HR: variants seen among roughly 807,000 people sequenced by gnomAD.
The protein encoded by HR is HR lysine demethylase and nuclear receptor corepressor.
HR carries 83 observed loss-of-function variants against 128.6 expected under a neutral mutation model. The observed-to-expected ratio is 0.65, with a 90% CI of 0.54 to 0.77. HR has a LOEUF of 0.77. HR is among the 30% of genes least tolerant of loss of function. HR has a pLI of 0.00. For missense variants in HR, 1,490 were observed against 1,574.6 expected, an observed-to-expected ratio of 0.95 and a Z score of 0.91; for synonymous variants, 681 against 658.2, an observed-to-expected ratio of 1.03 and a Z score of -0.53.
rs757333928 is a variant in HR, at chr8:22,127,499, G to A, written c.943C>T (p.Pro315Ser). The change falls in exon 3 of 19, where the codon CCC becomes TCC. Residue 315 changes from proline to serine, a missense_variant. Around this residue, in one of 3 missense-constraint regions of HR, gnomAD observed 1,060 missense variants for 1,060.9 expected, o/e 1.00. Transcript: ENST00000381418. ...QLGPPATPRCPSPEPPVTQRG... is the reference protein window; with the variant it reads ...QLGPPATPRCSSPEPPVTQRG... ...TGGGTGACAGGCGGCTCAGGAGAGGGGCACCTTGGTGTTGCTGGTGGCCCC... is the reference window on the plus strand; with the variant it reads ...TGGGTGACAGGCGGCTCAGGAGAGGAGCACCTTGGTGTTGCTGGTGGCCCC... The A allele has an allele frequency of 1.6e-5, 25 of 1,612,462 alleles. No individual in the cohort carries two copies. Among genetic ancestry groups the A allele is most frequent in the Middle Eastern group, 3.3e-4 (2 of 6,078 alleles).
intron 8 of HR, 52 bp downstream of exon 8, chr8:22,122,441 G>T (rs1279719625): frequency 3.7e-6 from 5 of 1,346,702 alleles, no homozygotes; most frequent in African/African-American, 1.4e-5. Context: ...CCCTGCAAAG[G>T]TCAGCCATTT....
At position 22,130,699 on chromosome 8, in the gene HR, G is replaced by T. The variant is rs1827029809; in HGVS notation, c.-312C>A. The T allele has an allele frequency of 6.6e-6, 1 of 152,370 alleles. No individual in the cohort carries two copies. Among genetic ancestry groups the T allele is most frequent in the South Asian group, 2.1e-4 (1 of 4,844 alleles). The allele number at this position is 152,370 out of a possible 1,614,324, so 9.4% of individuals were successfully genotyped here. A position where few individuals can be genotyped will look rare whatever the true frequency, so the allele number is the denominator to read the frequency against. ...ACCAGCTTCTGGGCCGAGGCCGTAGGTTGCGCCATGGGACGCCGAGACTCC... is the reference window on the plus strand; with the variant it reads ...ACCAGCTTCTGGGCCGAGGCCGTAGTTTGCGCCATGGGACGCCGAGACTCC... On this transcript the variant is annotated 5_prime_UTR_variant, in exon 1 of 19. Coordinates refer to ENST00000381418, the MANE Select transcript of HR (RefSeq NM_005144.5).
In HR at chr8:22,129,125, T is replaced by G. The variant is rs1340372152; in HGVS notation, c.46A>C (p.Lys16Gln). ...ACGATGCCGTTCTCTGGGGCCGTCT[T>G]CTCCCAGGTTGGGGTGCCCTTCAGG... ...SFLKGTPTWE[K>Q]TAPENGIVRQ... The change falls in exon 2 of 19, where the codon AAG becomes CAG. Residue 16 changes from lysine to glutamine, a missense_variant. Lys to Gln is a moderately conservative substitution (Grantham distance 53). Transcript: ENST00000381418. 2.6e-6 allele frequency: 4 copies of G among 1,559,862 alleles called. No individual in the cohort carries two copies. The East Asian group carries it at 9.0e-5, about 35-fold the overall frequency.
chr8:22,121,722 A>G (rs956460090), intron 8 of HR, 28 bp from the exon 9 acceptor site: 2 of 1,603,614 alleles, frequency 1.2e-6, no homozygotes, highest in East Asian at 2.2e-5. Flanking sequence ...CACCCCCCCA[A>G]TCCAACCAGA....
At position 22,127,641 on chromosome 8, in the gene HR, G is replaced by A. The variant is rs372297234; in HGVS notation, c.801C>T (p.Phe267=). 65 of 1,609,640 alleles carry A rather than the reference G, an allele frequency of 4.0e-5. No individual in the cohort carries two copies. Among genetic ancestry groups the A allele is most frequent in the Non-Finnish European group, 5.3e-5 (63 of 1,178,902 alleles). ...AGGGCACAGTGTCTGGCTGCCCCAG[G>A]AAGAGCGGGCAAGGATTCTGCTGCC... ...AGRQQNPCPL[F]LGQPDTVPWT... Residue 267 remains phenylalanine, a synonymous_variant, in exon 3 of 19, where the codon TTC becomes TTT. Coordinates refer to ENST00000381418, the MANE Select transcript of HR (RefSeq NM_005144.5).
chr8:22,123,548 A>C, intron 6 of HR, 101 bp downstream of exon 6: 1 of 1,158,020 alleles, frequency 8.6e-7, no homozygotes, highest in Non-Finnish European at 1.2e-6. Context: ...TGCAGTGGGT[A>C]GGGGGCTTTT....
rs748422659 is a variant in HR at position 22,116,731 on chromosome 8, C to T, written c.3378+144G>A. On this transcript the variant is annotated intron_variant, in intron 17 of 18. Coordinates refer to ENST00000381418, the MANE Select transcript of HR (RefSeq NM_005144.5). The surrounding 1 kb of genome is among the most constrained non-coding windows in gnomAD (Gnocchi z 4.2). The stretch of plus-strand genomic sequence containing the variant: ...TGACTTCAAGGCCTCTTGGCTCCCC[C>T]GTTATCTCTTCCCCACAGCAGCGTG... The T allele has an allele frequency of 9.9e-5, 122 of 1,229,814 alleles. No homozygotes were observed. The highest frequency in any genetic ancestry group is 1.2e-4 in the Non-Finnish European group (105 of 869,648). 76.2% of individuals were successfully genotyped at this position (1,229,814 alleles called of 1,614,324 possible). A position where few individuals can be genotyped will look rare whatever the true frequency, so the allele number is the denominator to read the frequency against.
At chr8:22,121,581 G>A (rs367802682) in intron 9 of HR, 32 bp downstream of exon 9, 6 of 1,610,188 alleles carry the variant, frequency 3.7e-6, no homozygotes, top group South Asian at 3.3e-5. Context: ...CCTCCCTCTT[G>A]CACAGGCCGA....
chr8:22,120,938 G>C lies in HR; in HGVS notation c.2388C>G (p.Ile796Met). ...CCACCTGTGCGATAATGCTGTCCAG[G>C]ATGTTGGTGATGCGGTCATCCTGCA... Reference protein sequence around the residue: ...ALPSDDRITNILDSIIAQVVE... With the variant: ...ALPSDDRITNMLDSIIAQVVE... Residue 796 changes from isoleucine (I) to methionine (M), a missense_variant, in exon 11 of 19, where the codon ATC becomes ATG. Ile to Met is a conservative substitution (Grantham distance 10, BLOSUM62 1). Around this residue, in one of 3 missense-constraint regions of HR, gnomAD observed 1,060 missense variants for 1,060.9 expected, o/e 1.00. Coordinates refer to ENST00000381418, the MANE Select transcript of HR (RefSeq NM_005144.5). 3 of 1,584,658 alleles carry C rather than the reference G, an allele frequency of 1.9e-6. No homozygotes were observed. Among genetic ancestry groups the C allele is most frequent in the Non-Finnish European group, 2.6e-6 (3 of 1,165,216 alleles).
chr8:22,117,024 C>G lies in HR; in HGVS notation c.3229G>C (p.Ala1077Pro), dbSNP rs956396914. The G allele has an allele frequency of 1.3e-6, 2 of 1,509,064 alleles. No individual in the cohort carries two copies. The highest frequency in any genetic ancestry group is 2.8e-5 in the African/African-American group (2 of 72,498). 93.5% of individuals were successfully genotyped at this position (1,509,064 alleles called of 1,614,324 possible). Residue 1077 changes from alanine (A) to proline (P), a missense_variant, in exon 17 of 19, where the codon GCA becomes CCA. Ala to Pro is a conservative substitution (Grantham distance 27). Transcript: ENST00000381418. ...RFLQMVCPAG[A>P]GALEPGAPGS... The stretch of plus-strand genomic sequence containing the variant: ...GGGGCGCCAGGCTCCAGGGCGCCTG[C>G]CCCGGCCGGGCACACCTCAAAGAAG...
chr8:22,127,324 G>A lies in HR; in HGVS notation c.1118C>T (p.Pro373Leu). ...NKASGPRACPPSHHTKLKKTW... is the reference protein window; with the variant it reads ...NKASGPRACPLSHHTKLKKTW... ...CTTCTTCAGCTTGGTGTGGTGGCTG[G>A]GGGGACAGGCCCTGGGGCCAGAGGC... The change falls in exon 3 of 19, where the codon CCC becomes CTC. Residue 373 changes from proline (P) to leucine (L), a missense_variant. Physicochemically the swap from Pro to Leu is moderately conservative, Grantham distance 98 (BLOSUM62 -3). This residue lies in a region of HR where 1,060 missense variants were observed against 1,060.9 expected (regional missense o/e 1.00). Coordinates refer to ENST00000381418, the MANE Select transcript of HR (RefSeq NM_005144.5). 2.5e-6 allele frequency: 4 copies of A among 1,613,380 alleles called. No individual in the cohort carries two copies. The highest frequency in any genetic ancestry group is 3.4e-6 in the Non-Finnish European group (4 of 1,180,026).
Position 22,116,189 on chromosome 8 carries a change from T to G in HR, c.3507+111A>C. ...AGGAATACTCTGCCCCTGCACAGGG[T>G]GGCTGCCTGCTTGGCACAGGGTGGG... On this transcript the variant is annotated intron_variant, in intron 18 of 18. Coordinates refer to ENST00000381418, the MANE Select transcript of HR (RefSeq NM_005144.5). The surrounding 1 kb of genome is among the most constrained non-coding windows in gnomAD (Gnocchi z 4.2). 1 of 1,468,390 alleles carries G rather than the reference T, an allele frequency of 6.8e-7. No homozygotes were observed. Among genetic ancestry groups the G allele is most frequent in the Non-Finnish European group, 9.5e-7 (1 of 1,055,038 alleles). 91.0% of individuals were successfully genotyped at this position (1,468,390 alleles called of 1,614,324 possible). A position where few individuals can be genotyped will look rare whatever the true frequency, so the allele number is the denominator to read the frequency against.
chr8:22,128,933 C>G lies in HR; in HGVS notation c.238G>C (p.Gly80Arg). The G allele has an allele frequency of 1.2e-6, 2 of 1,613,498 alleles. No individual in the cohort carries two copies. The highest frequency in any genetic ancestry group is 1.7e-6 in the Non-Finnish European group (2 of 1,180,022). ...KDMLPLVEGE[G>R]PQNGERKVNW... Reference sequence around the variant, plus strand: ...ACCTTCCTCTCCCCATTCTGGGGGCCCTCGCCCTCCACAAGTGGGAGCATG... The same window carrying G: ...ACCTTCCTCTCCCCATTCTGGGGGCGCTCGCCCTCCACAAGTGGGAGCATG... Residue 80 changes from glycine (G) to arginine (R), a missense_variant, in exon 2 of 19, where the codon GGC (glycine) becomes CGC (arginine). By Grantham distance (125) the Gly-to-Arg change is moderately radical. Coordinates refer to ENST00000381418, the MANE Select transcript of HR (RefSeq NM_005144.5).
rs77689228 is a variant in HR at position 22,121,221 on chromosome 8, G to A, written c.2211C>T (p.Pro737=). Reference sequence around the variant, plus strand: ...CCTCTGCTGGGGTCTCAGCGGAATCGGGGGTCTCTGTCAGGGAGGAAGATG... The same window carrying A: ...CCTCTGCTGGGGTCTCAGCGGAATCAGGGGTCTCTGTCAGGGAGGAAGATG... ...HRTKSIKEET[P]DSAETPAEDR... Residue 737 remains proline (P), a synonymous_variant, in exon 10 of 19, where the codon CCC becomes CCT. Transcript: ENST00000381418. The A allele has an allele frequency of 0.013, 20,196 of 1,613,704 alleles. 152 individuals are homozygous for A. Among genetic ancestry groups the A allele is most frequent in the Middle Eastern group, 0.019 (113 of 6,062 alleles).
chr8:22,119,399 A>G lies in HR; in HGVS notation c.2978-116T>C. ...CCAGGCGGGCAGATCACCTGAGGTC[A>G]GGAGTTTGAGACCAGCCTCAACATG... On this transcript the variant is annotated intron_variant, in intron 14 of 18. Transcript: ENST00000381418. 7.7e-6 allele frequency: 11 copies of G among 1,431,638 alleles called. No individual in the cohort carries two copies. The South Asian group carries it at 1.3e-4, about 17-fold the overall frequency. The allele number at this position is 1,431,638 out of a possible 1,614,324, so 88.7% of individuals were successfully genotyped here.
rs1352149852 is a variant in HR at position 22,127,589 on chromosome 8, C to G, written c.853G>C (p.Gly285Arg). Residue 285 changes from glycine (G) to arginine (R), a missense_variant, in exon 3 of 19, where the codon GGC becomes CGC. By Grantham distance (125) the Gly-to-Arg change is moderately radical. Around this residue, in one of 3 missense-constraint regions of HR, gnomAD observed 1,060 missense variants for 1,060.9 expected, o/e 1.00. Transcript: ENST00000381418. ...PWTSWPACPP[G>R]LVHTLGNVWA... is the part of the protein sequence containing the mutation. Reference sequence around the variant, plus strand: ...ACGTTGCCAAGAGTATGAACAAGGCCTGGGGGACAAGCGGGCCAGGAGGTC... The same window carrying G: ...ACGTTGCCAAGAGTATGAACAAGGCGTGGGGGACAAGCGGGCCAGGAGGTC... 2.5e-6 allele frequency: 4 copies of G among 1,612,318 alleles called. No individual in the cohort carries two copies. The East Asian group carries it at 8.9e-5, about 36-fold the overall frequency.
In HR at chr8:22,120,135, G is replaced by A; in HGVS notation, c.2815C>T (p.His939Tyr). 3 of 1,593,474 alleles carry A rather than the reference G, an allele frequency of 1.9e-6. No homozygotes were observed. Among genetic ancestry groups the A allele is most frequent in the Non-Finnish European group, 2.6e-6 (3 of 1,170,864 alleles). ...KSDEGSVLLLHRALGDEDTSR... is the reference protein window; with the variant it reads ...KSDEGSVLLLYRALGDEDTSR... ...GTGTCCTCATCCCCCAAAGCTCGGT[G>A]CAGCAGGAGGACAGAGCCCTCGTCT... is the stretch of plus-strand genomic sequence containing the variant. Residue 939 changes from histidine (H) to tyrosine (Y), a missense_variant, in exon 13 of 19, where the codon CAC becomes TAC. Physicochemically the swap from His to Tyr is moderately conservative, Grantham distance 83. Coordinates refer to ENST00000381418, the MANE Select transcript of HR (RefSeq NM_005144.5).
chr8:22,119,555 C>T (rs1455656419), intron 14 of HR, among the ~76,000 whole-genome samples: 4 of 151,142 alleles, frequency 2.6e-5, no homozygotes, highest in African/African-American at 4.9e-5. Context: ...TGCGGTGAGC[C>T]GAGATAGTGC....
chr8:22,125,547 G>A (rs1826865674), intron 4 of HR, 35 bp downstream of exon 4: 1 of 1,612,802 alleles, frequency 6.2e-7, no homozygotes. Flanking sequence ...GCCCTGGCGA[G>A]GGGGCACTGG....
Sources: allele counts gnomAD v4.1 joint callset (sites outside exome capture counted in the v4.1 genomes callset), GRCh38; gene constraint gnomAD v4.1.1; regional missense constraint gnomAD v4.1.1; non-coding constraint Gnocchi (gnomAD v3.1); transcripts MANE v1.5; gene names NCBI Gene and HGNC (gene_info 2026-07-23, HGNC 2026-07-21).